CSF2RA: variants seen among roughly 807,000 people sequenced by gnomAD.
The protein encoded by CSF2RA is granulocyte-macrophage colony-stimulating factor receptor subunit alpha.
In CSF2RA, 42 loss-of-function variants were observed where a neutral mutation model predicts 51.6. The observed-to-expected ratio is 0.81, with a 90% CI of 0.64 to 1.05. CSF2RA has a LOEUF of 1.05. CSF2RA is among the 50% of genes least tolerant of loss of function. The probability of loss-of-function intolerance (pLI) is 0.00; values close to 1 mark genes in which losing one functional copy is unlikely to be tolerated. For synonymous variants in CSF2RA, 222 were observed against 193.0 expected, an observed-to-expected ratio of 1.15 and a Z score of -1.24; for missense variants, 530 against 501.1, an observed-to-expected ratio of 1.06 and a Z score of -0.55.
downstream of CSF2RA, among the ~76,000 whole-genome samples, chrX:1,312,413 G>A (rs1480163847): frequency 2.6e-5 from 4 of 151,840 alleles, no homozygotes; most frequent in Non-Finnish European, 5.9e-5. Context: ...TGTCTCCCAC[G>A]TGGAATTAGG....
At chrX:1,317,101 C>T in the CSF2RA span, among the ~76,000 whole-genome samples, 7 of 151,798 alleles carry the variant, frequency 4.6e-5, no homozygotes, top group Non-Finnish European at 1.0e-4. Context: ...TGCCCACCAC[C>T]ATGCCCGGCT....
chrX:1,285,317 C>T (rs1352162229), intron 3 of CSF2RA, among the ~76,000 whole-genome samples: 2 of 142,300 alleles, frequency 1.4e-5, no homozygotes, highest in African/African-American at 2.5e-5. Flanking sequence ...GGATGTGGGA[C>T]GTCCTGGGGC....
chrX:1,281,035 TCATTCTCCTCCTGCTCC>T (rs2089942610), intron 2 of CSF2RA, among the ~76,000 whole-genome samples: 78 of 70,070 alleles, frequency 1.1e-3, no homozygotes, highest in Non-Finnish European at 1.7e-3. Context: ...CTCCTCCTCC[TCATTCTCCTCCTGCTCC>T]CCTTCTCCTC....
intron 10 of CSF2RA, among the ~76,000 whole-genome samples, chrX:1,301,634 TG>T (rs1194517918): frequency 6.8e-6 from 1 of 146,928 alleles, no homozygotes; most frequent in Non-Finnish European, 1.5e-5. Flanking sequence ...GTTTCGCTCT[TG>T]TCGCAGGCTG....
the CSF2RA span, among the ~76,000 whole-genome samples, chrX:1,318,796 A>C: frequency 2.0e-5 from 3 of 149,658 alleles, no homozygotes; most frequent in Non-Finnish European, 3.0e-5. Flanking sequence ...GGGCACCTGT[A>C]ATCCCAGCTA....
chrX:1,314,442 T>A (rs112197814), downstream of CSF2RA, among the ~76,000 whole-genome samples: 1 of 28,136 alleles, frequency 3.6e-5, no homozygotes. Flanking sequence ...CGCACTGCAC[T>A]TGCCCAATTG....
At chrX:1,272,232 G>A (rs1455366538) in intron 1 of CSF2RA, among the ~76,000 whole-genome samples, 4 of 151,770 alleles carry the variant, frequency 2.6e-5, no homozygotes, top group Non-Finnish European at 5.9e-5. Context: ...AGGATTACAG[G>A]CGTGAACCAC....
rs1180546637 is a variant in CSF2RA, at chrX:1,309,876, A to T, written c.*397A>T. 1.7e-6 allele frequency: 1 copy of T among 587,920 alleles called. No homozygotes were observed. The highest frequency in any genetic ancestry group is 3.0e-6 in the Non-Finnish European group (1 of 331,970). The allele number at this position is 587,920 out of a possible 1,614,324, so 36.4% of individuals were successfully genotyped here. A position where few individuals can be genotyped will look rare whatever the true frequency, so the allele number is the denominator to read the frequency against. On this transcript the variant is annotated 3_prime_UTR_variant, in exon 13 of 13. Coordinates refer to ENST00000381529, the MANE Select transcript of CSF2RA (RefSeq NM_172245.4). Reference sequence around the variant, plus strand: ...GCACACCAACCTGCGTGACAGAGCAAGATTGCATCTCAAAACAAACAATAA... The same window carrying T: ...GCACACCAACCTGCGTGACAGAGCATGATTGCATCTCAAAACAAACAATAA...
At chrX:1,313,739 A>G (rs2084284806), downstream of CSF2RA, among the ~76,000 whole-genome samples, 1 of 151,930 alleles carries the variant, frequency 6.6e-6, no homozygotes, top group Admixed American at 6.6e-5. Context: ...CTGTAATCCC[A>G]GCACTTTGGG....
the CSF2RA span, among the ~76,000 whole-genome samples, chrX:1,315,792 TAGATAGATAGATAGATAGA>T: frequency 1.9e-3 from 279 of 147,284 alleles, 1 homozygote; most frequent in African/African-American, 5.5e-3. Context: ...GATAGATAGA[TAGATAGATAGATAGATAGA>T]TAGATAGATT....
chrX:1,286,004 G>A lies in CSF2RA; in HGVS notation c.219+84G>A, dbSNP rs189767382. ...AGCAACAGGGCCGGCTGGGCGCGGC[G>A]GCTCACGCCTGTCATCCCAGCACTT... On this transcript the variant is annotated intron_variant, in intron 4 of 12. Transcript: ENST00000381529. 1.0e-3 allele frequency: 1,578 copies of A among 1,570,494 alleles called. 20 individuals are homozygous for A. In the East Asian group the frequency reaches 0.031, roughly 31 times the overall value.
rs763308423 is a variant in CSF2RA at position 1,303,922 on chromosome X, G to T, written c.947-1G>T. 6.2e-7 allele frequency: 1 copy of T among 1,613,170 alleles called. No individual in the cohort carries two copies. Among genetic ancestry groups the T allele is most frequent in the Non-Finnish European group, 8.5e-7 (1 of 1,179,444 alleles). ...AGACGCAAACCTGTGTGTCTCTCCA[G>T]GTTCTGACGACGGGAACCTCGGCTC... On this transcript the variant is annotated splice_acceptor_variant, in intron 10 of 12. Coordinates refer to ENST00000381529, the MANE Select transcript of CSF2RA (RefSeq NM_172245.4). LOFTEE classifies it high-confidence loss of function.
chrX:1,303,716 G>T (rs1245647356), intron 10 of CSF2RA, among the ~76,000 whole-genome samples: 1 of 152,118 alleles, frequency 6.6e-6, no homozygotes, highest in African/African-American at 2.4e-5. Context: ...AAATTTCCTT[G>T]TGGGCAAAAC....
rs146441189 is a variant in CSF2RA, at chrX:1,288,484, T to C, written c.220-35T>C. The C allele has an allele frequency of 3.3e-3, 5,308 of 1,613,662 alleles. 138 individuals carry two copies. The African/African-American group carries it at 0.057, about 17-fold the overall frequency. ...GAGACTGTAGGAGACAGAAGGTTGT[T>C]TCCTAATCGGCTCTGTCTGGTTGCA... On this transcript the variant is annotated intron_variant, in intron 4 of 12. Coordinates refer to ENST00000381529, the MANE Select transcript of CSF2RA (RefSeq NM_172245.4).
chrX:1,315,937 GATA>G, the CSF2RA span, among the ~76,000 whole-genome samples: 4 of 135,272 alleles, frequency 3.0e-5, no homozygotes, highest in South Asian at 7.9e-4. Flanking sequence ...ATGGATGATA[GATA>G]ATAAATGATA....
chrX:1,288,835 G>A lies in CSF2RA; in HGVS notation c.420G>A (p.Arg140=). 6.2e-7 allele frequency: 1 copy of A among 1,613,914 alleles called. No homozygotes were observed. The highest frequency in any genetic ancestry group is 8.5e-7 in the Non-Finnish European group (1 of 1,179,862). The change falls in exon 6 of 13, where the codon AGG becomes AGA. Residue 140 remains arginine, a synonymous_variant. Transcript: ENST00000381529. ...ATTTAATGAACTGTACCTGGGCGAG[G>A]GGTCCGACGGCCCCCCGTGACGTCC... ...NADLMNCTWA[R]GPTAPRDVQY... is the part of the protein sequence containing the mutation.
the CSF2RA span, among the ~76,000 whole-genome samples, chrX:1,316,280 A>AGATAGAT: frequency 6.8e-6 from 1 of 146,464 alleles, no homozygotes; most frequent in Non-Finnish European, 1.5e-5. Flanking sequence ...ATAGATAGAT[A>AGATAGAT]GATAGATAGA....
Position 1,300,624 on chromosome X carries a change from T to G in CSF2RA, c.944T>G (p.Phe315Cys), listed in dbSNP as rs754629432. Reference sequence around the variant, plus strand: ...AGCTCCTGGAGTGAAGCCATTGAATTTGGTAAGCGTTGGGCGGAGGTAAGG... The same window carrying G: ...AGCTCCTGGAGTGAAGCCATTGAATGTGGTAAGCGTTGGGCGGAGGTAAGG... ...NWSSWSEAIEFGSDDGNLGSV... is the reference protein window; with the variant it reads ...NWSSWSEAIECGSDDGNLGSV... The change falls in exon 10 of 13, where the codon TTT becomes TGT. Residue 315 changes from phenylalanine (F) to cysteine (C), a missense_variant and splice_region_variant. Transcript: ENST00000381529. The G allele has an allele frequency of 1.2e-6, 2 of 1,613,794 alleles. No individual in the cohort carries two copies. Among genetic ancestry groups the G allele is most frequent in the Non-Finnish European group, 8.5e-7 (1 of 1,179,836 alleles).
At chrX:1,291,780 A>T (rs28551123) in intron 7 of CSF2RA, among the ~76,000 whole-genome samples, 47,484 of 147,292 alleles carry the variant, frequency 0.32, 8,516 homozygotes, top group Admixed American at 0.44. Flanking sequence ...CCCAGTGTAG[A>T]CAAAGAGGTG....
Sources: gnomAD v4.1 joint callset for allele counts (sites outside exome capture counted in the v4.1 genomes callset) on GRCh38, gnomAD v4.1.1 for gene constraint, MANE v1.5 for transcripts, NCBI Gene and HGNC (gene_info 2026-07-23, HGNC 2026-07-21) for gene names.